KANSL1L: variants seen among roughly 807,000 people sequenced by gnomAD.
KANSL1L encodes KAT8 regulatory NSL complex subunit 1-like protein.
Under a neutral mutation model 108.6 loss-of-function variants are expected in KANSL1L, and 25 were observed. That is an observed-to-expected ratio of 0.23 (90% CI 0.17 to 0.32). The LOEUF (loss-of-function observed/expected upper bound fraction) is 0.32, where lower values mean the gene tolerates loss of function less well. KANSL1L is among the 10% of genes least tolerant of loss of function. KANSL1L has a pLI of 1.00. For synonymous variants in KANSL1L, 405 were observed against 395.1 expected, an observed-to-expected ratio of 1.03 and a Z score of -0.30; for missense variants, 1,137 against 1,125.7, an observed-to-expected ratio of 1.01 and a Z score of -0.14.
chr2:210,101,395 G>A (rs956098763), intron 4 of KANSL1L, among the ~76,000 whole-genome samples: 1 of 152,170 alleles, frequency 6.6e-6, no homozygotes. Context: ...GGATATCAAG[G>A]AGAAAGGAAA....
chr2:210,044,143 C>A lies in KANSL1L; in HGVS notation c.1756-39G>T. On this transcript the variant is annotated intron_variant, in intron 6 of 14. Coordinates refer to ENST00000281772, the MANE Select transcript of KANSL1L (RefSeq NM_152519.4). This position sits in a 1 kb window ranked among gnomAD's most constrained non-coding sequence, Gnocchi z 4.2. ...CCGTATTAGAATATCACAGCCAAAG[C>A]ATCCATAAATGGCATATCTCTACAT... The A allele has an allele frequency of 7.0e-7, 1 of 1,436,426 alleles. No individual in the cohort carries two copies. The highest frequency in any genetic ancestry group is 9.3e-7 in the Non-Finnish European group (1 of 1,072,176). The allele number at this position is 1,436,426 out of a possible 1,614,324, so 89.0% of individuals were successfully genotyped here.
chr2:210,129,990 CAAA>C (rs11439121), intron 2 of KANSL1L, among the ~76,000 whole-genome samples: 1 of 135,848 alleles, frequency 7.4e-6, no homozygotes, highest in Non-Finnish European at 1.6e-5. Context: ...ATGCAGATTG[CAAA>C]AAAAAAAAAA....
chr2:210,089,165 A>G (rs1455111317), intron 5 of KANSL1L: 1 of 152,244 alleles, frequency 6.6e-6, no homozygotes, highest in Non-Finnish European at 1.5e-5. Context: ...TTTTATTTAA[A>G]CAATTCTTCC....
At chr2:210,126,198 CA>C (rs2095064063) in intron 3 of KANSL1L, among the ~76,000 whole-genome samples, 1 of 152,114 alleles carries the variant, frequency 6.6e-6, no homozygotes, top group South Asian at 2.1e-4. Context: ...GTCACAAAAA[CA>C]ATTCCACTTA....
chr2:210,067,101 T>C (rs1393570812), intron 6 of KANSL1L, among the ~76,000 whole-genome samples: 1 of 152,176 alleles, frequency 6.6e-6, no homozygotes, highest in Non-Finnish European at 1.5e-5. Flanking sequence ...ACATCAGTGC[T>C]CCTGGATCTC....
intron 2 of KANSL1L, among the ~76,000 whole-genome samples, chr2:210,129,895 T>G (rs1209617962): frequency 1.3e-5 from 2 of 151,766 alleles, no homozygotes; most frequent in Non-Finnish European, 2.9e-5. Flanking sequence ...TCCTAGTACC[T>G]CTTGTCATTT....
At chr2:210,106,218 C>T (rs1359177281) in intron 3 of KANSL1L, among the ~76,000 whole-genome samples, 2 of 152,112 alleles carry the variant, frequency 1.3e-5, no homozygotes, top group Non-Finnish European at 2.9e-5. Context: ...CAAAGAAACA[C>T]AAGTTCCACC....
intron 6 of KANSL1L, among the ~76,000 whole-genome samples, chr2:210,054,309 G>A (rs530655261): frequency 2.1e-4 from 24 of 114,294 alleles, no homozygotes; most frequent in African/African-American, 7.8e-4. Context: ...GCAACAGAGC[G>A]AGACTCCATC....
intron 7 of KANSL1L, among the ~76,000 whole-genome samples, chr2:210,042,487 T>A (rs1045605580): frequency 1.3e-5 from 2 of 152,134 alleles, no homozygotes; most frequent in Non-Finnish European, 2.9e-5. Flanking sequence ...AAACAGGCAG[T>A]AAAGTAATGG....
chr2:210,028,701 AT>A (rs926951333), intron 11 of KANSL1L, 143 bp downstream of exon 11: 137 of 621,818 alleles, frequency 2.2e-4, no homozygotes, highest in Middle Eastern at 4.5e-4. Context: ...GGCACGAGTA[AT>A]TTTTTTTTCA....
chr2:210,141,882 C>G (rs1335688003), intron 2 of KANSL1L, among the ~76,000 whole-genome samples: 2 of 152,172 alleles, frequency 1.3e-5, no homozygotes, highest in African/African-American at 4.8e-5. Context: ...ACCATCCTTG[C>G]ATCCCAGGGA....
intron 2 of KANSL1L, among the ~76,000 whole-genome samples, chr2:210,140,263 A>G (rs1237809469): frequency 1.3e-5 from 2 of 152,136 alleles, no homozygotes; most frequent in Non-Finnish European, 1.5e-5. Flanking sequence ...GCCAACATCA[A>G]TGTCGAGAAG....
chr2:210,032,957 G>C (rs555848481), intron 8 of KANSL1L: 1 of 152,172 alleles, frequency 6.6e-6, no homozygotes, highest in Non-Finnish European at 1.5e-5. Context: ...GTCAGAAATA[G>C]AAAATGTAAT....
intron 3 of KANSL1L, 70 bp downstream of exon 3, chr2:210,128,961 T>C (rs1260990187): frequency 7.5e-6 from 9 of 1,205,020 alleles, no homozygotes; most frequent in Non-Finnish European, 8.1e-6. Flanking sequence ...ATTATTTTTG[T>C]GATCAAATGA....
chr2:210,059,808 C>T (rs2094400251), intron 6 of KANSL1L, among the ~76,000 whole-genome samples: 3 of 151,726 alleles, frequency 2.0e-5, no homozygotes, highest in Non-Finnish European at 4.4e-5. Flanking sequence ...ATGGCATGAT[C>T]TCAGCTGACT....
At chr2:210,099,601 T>G (rs980520542) in intron 4 of KANSL1L, among the ~76,000 whole-genome samples, 2 of 152,194 alleles carry the variant, frequency 1.3e-5, no homozygotes, top group Admixed American at 6.5e-5. Context: ...TAGCAAGTAA[T>G]CATTAGTCAT....
chr2:210,055,398 C>T (rs182663467), intron 6 of KANSL1L, among the ~76,000 whole-genome samples: 2,642 of 152,136 alleles, frequency 0.017, 226 homozygotes, highest in Admixed American at 0.15. Flanking sequence ...ATCAGGATGC[C>T]GGAAAATGTG....
chr2:210,030,543 G>A (rs2094003170), intron 9 of KANSL1L, among the ~76,000 whole-genome samples: 1 of 145,442 alleles, frequency 6.9e-6, no homozygotes, highest in Admixed American at 7.0e-5. Context: ...TACTGTGTGT[G>A]TGTGTGTGTG....
chr2:210,146,284 C>A (rs774501055), intron 2 of KANSL1L, among the ~76,000 whole-genome samples: 1 of 152,124 alleles, frequency 6.6e-6, no homozygotes, highest in Non-Finnish European at 1.5e-5. Context: ...AACATTTGAG[C>A]CCTCCCAAGG....
Sources: gnomAD v4.1 joint callset for allele counts (sites outside exome capture counted in the v4.1 genomes callset) on GRCh38, gnomAD v4.1.1 for gene constraint, Gnocchi (gnomAD v3.1) non-coding constraint, MANE v1.5 for transcripts, NCBI Gene and HGNC (gene_info 2026-07-23, HGNC 2026-07-21) for gene names.